Variants in TDRD9 observed in about 807,000 individuals in gnomAD.
The protein encoded by TDRD9 is tudor domain containing 9.
In TDRD9, 124 loss-of-function variants were observed where a neutral mutation model predicts 172.6. That is an observed-to-expected ratio of 0.72 (90% confidence interval 0.62 to 0.83). The LOEUF (loss-of-function observed/expected upper bound fraction) is 0.83, where lower values mean the gene tolerates loss of function less well. TDRD9 is among the 40% of genes least tolerant of loss of function. The pLI is 0.00. For missense variants in TDRD9, 1,479 were observed against 1,714.1 expected, an observed-to-expected ratio of 0.86 and a Z score of 2.42; for synonymous variants, 619 against 617.1, an observed-to-expected ratio of 1.00 and a Z score of -0.05.
In TDRD9 at chr14:104,030,884, C is replaced by T. The variant is rs187505073; in HGVS notation, c.3283-224C>T. 1.7e-3 allele frequency among the ~76,000 whole-genome samples: 254 copies of T among 152,202 alleles called. 1 individual carries two copies. The Middle Eastern group carries it at 0.024, about 14-fold the overall frequency. Reference sequence around the variant, plus strand: ...AGGAGATATACCTAATGCTAAATGACGAGTTAATGGGTGCAGCACACCAGC... The same window carrying T: ...AGGAGATATACCTAATGCTAAATGATGAGTTAATGGGTGCAGCACACCAGC... On this transcript the variant is annotated intron_variant, in intron 28 of 35. Coordinates refer to ENST00000409874, the MANE Select transcript of TDRD9 (RefSeq NM_153046.3).
At chr14:104,015,476 T>C (rs1481895706) in intron 21 of TDRD9, among the ~76,000 whole-genome samples, 3 of 152,208 alleles carry the variant, frequency 2.0e-5, no homozygotes, top group South Asian at 2.1e-4. Context: ...GGTGGGTGTG[T>C]TTCAAACTGG....
intron 23 of TDRD9, among the ~76,000 whole-genome samples, chr14:104,018,434 A>G (rs1294895490): frequency 1.3e-5 from 2 of 152,204 alleles, no homozygotes; most frequent in Non-Finnish European, 2.9e-5. Flanking sequence ...TGGTCACTCC[A>G]AGAAGGCTCA....
Position 104,045,144 on chromosome 14 carries a change from GAA to G in TDRD9, c.3974+2970_3974+2971del, listed in dbSNP as rs143411044. ...GGTGACAACAGCGAAACTCTATCAG[GAA>G]AAAAAAAAAAAAGGAAATAGCCAAA... On this transcript the variant is annotated intron_variant, in intron 34 of 35. Coordinates refer to ENST00000409874, the MANE Select transcript of TDRD9 (RefSeq NM_153046.3). Among the ~76,000 whole-genome samples, 164 of 140,460 alleles carry G rather than the reference GAA, an allele frequency of 1.2e-3. 2 individuals carry two copies. The highest frequency in any genetic ancestry group is 2.1e-3 in the Admixed American group (29 of 14,060). 92.1% of individuals were successfully genotyped at this position (140,460 alleles called of 152,430 possible).
chr14:104,026,257 G>T, intron 27 of TDRD9, 121 bp downstream of exon 27: 1 of 677,178 alleles, frequency 1.5e-6, no homozygotes, highest in Non-Finnish European at 2.6e-6. Flanking sequence ...GCCCAGGACA[G>T]GGAGGGACTT....
intron 2 of TDRD9, among the ~76,000 whole-genome samples, chr14:103,960,385 C>T (rs1248756344): frequency 6.6e-6 from 1 of 152,124 alleles, no homozygotes; most frequent in South Asian, 2.1e-4. Flanking sequence ...TTTATGGCTT[C>T]CAGTTTTCCC....
intron 31 of TDRD9, 105 bp downstream of exon 31, chr14:104,034,174 T>C (rs542380058): frequency 4.0e-5 from 22 of 548,028 alleles, no homozygotes; most frequent in African/African-American, 3.6e-4. Flanking sequence ...GTCTACACTA[T>C]GTACTATTCT....
chr14:103,980,358 G>A lies in TDRD9; in HGVS notation c.1011+4805G>A, dbSNP rs2033424480. The stretch of plus-strand genomic sequence containing the variant: ...TCCAATGATAGGTAAGGTCATGTGG[G>A]TCACGTGTCGACTGGACAGGGGGCC... On this transcript the variant is annotated intron_variant, in intron 7 of 35. Coordinates refer to ENST00000409874, the MANE Select transcript of TDRD9 (RefSeq NM_153046.3). This position sits in a 1 kb window ranked among gnomAD's most constrained non-coding sequence, Gnocchi z 4.5. 6.6e-6 allele frequency among the ~76,000 whole-genome samples: 1 copy of A among 152,146 alleles called. No individual in the cohort carries two copies. Among genetic ancestry groups the A allele is most frequent in the Non-Finnish European group, 1.5e-5 (1 of 68,022 alleles).
rs145528108 is a variant in TDRD9 at position 103,943,955 on chromosome 14, A to G, written c.216-11709A>G. Among the ~76,000 whole-genome samples, 750 of 152,316 alleles carry G rather than the reference A, an allele frequency of 4.9e-3. 9 individuals carry two copies. The highest frequency in any genetic ancestry group is 8.4e-3 in the Non-Finnish European group (569 of 68,008). Reference sequence around the variant, plus strand: ...CTGGAAGGTTTTCACATGACATTGCATATACTGTTAGGAGAAGGAAAGGAG... The same window carrying G: ...CTGGAAGGTTTTCACATGACATTGCGTATACTGTTAGGAGAAGGAAAGGAG... On this transcript the variant is annotated intron_variant, in intron 1 of 35. Transcript: ENST00000409874.
At chr14:104,020,458 G>A (rs954045622) in intron 23 of TDRD9, among the ~76,000 whole-genome samples, 1 of 152,218 alleles carries the variant, frequency 6.6e-6, no homozygotes, top group Non-Finnish European at 1.5e-5. Flanking sequence ...TGCTGGGGAG[G>A]ATGCAGCTTC....
Position 103,963,176 on chromosome 14 carries a change from G to A in TDRD9, c.420G>A (p.Glu140=). 6.5e-7 allele frequency: 1 copy of A among 1,541,476 alleles called. No individual in the cohort carries two copies. The highest frequency in any genetic ancestry group is 8.8e-7 in the Non-Finnish European group (1 of 1,141,040). Reference sequence around the variant, plus strand: ...TGCCTATAAGTCGATACAAGGAAGAGGTAAAATTGTTTTGTTATACTGTAA... The same window carrying A: ...TGCCTATAAGTCGATACAAGGAAGAAGTAAAATTGTTTTGTTATACTGTAA... ...PDLPISRYKE[E]VVSLIESNSV... Residue 140 remains glutamate (E), a splice_region_variant and synonymous_variant, in exon 3 of 36, where the codon GAG becomes GAA. Transcript: ENST00000409874.
At chr14:104,031,876 TC>T in intron 29 of TDRD9, 140 bp from the exon 30 acceptor site, 2 of 555,984 alleles carry the variant, frequency 3.6e-6, no homozygotes, top group Non-Finnish European at 6.1e-6. Context: ...AGGCACTTTT[TC>T]TTAACTGAAT....
intron 5 of TDRD9, among the ~76,000 whole-genome samples, chr14:103,969,877 T>G (rs2032943121): frequency 6.6e-6 from 1 of 152,084 alleles, no homozygotes; most frequent in Admixed American, 6.6e-5. Flanking sequence ...GGTCTCTGTC[T>G]GAGGAGGGCT....
chr14:103,952,188 G>GTA lies in TDRD9; in HGVS notation c.216-3475_216-3474insAT, dbSNP rs2031921492. 2.0e-3 allele frequency among the ~76,000 whole-genome samples: 112 copies of GTA among 56,738 alleles called. 3 individuals carry two copies. The highest frequency in any genetic ancestry group is 2.9e-3 in the Non-Finnish European group (87 of 30,212). 37.2% of individuals were successfully genotyped at this position (56,738 alleles called of 152,430 possible). Reference sequence around the variant, plus strand: ...TGTGTATATATGTGTGTGCGTGTGTGTGTATATATATATATATATATATAT... The same window carrying GTA: ...TGTGTATATATGTGTGTGCGTGTGTGTATGTATATATATATATATATATATAT... On this transcript the variant is annotated intron_variant, in intron 1 of 35. Coordinates refer to ENST00000409874, the MANE Select transcript of TDRD9 (RefSeq NM_153046.3).
chr14:103,957,977 G>A (rs529268799), intron 2 of TDRD9, among the ~76,000 whole-genome samples: 2 of 152,092 alleles, frequency 1.3e-5, no homozygotes, highest in African/African-American at 2.4e-5. Flanking sequence ...CTGGGCAGTC[G>A]GATCAACTAT....
intron 1 of TDRD9, among the ~76,000 whole-genome samples, chr14:103,930,765 CTCCTTAGTT>C (rs1276610702): frequency 6.6e-6 from 1 of 152,156 alleles, no homozygotes; most frequent in Non-Finnish European, 1.5e-5. Flanking sequence ...CCATCACTTA[CTCCTTAGTT>C]TTAACGGTGT....
chr14:104,006,235 T>C (rs1248242800), intron 15 of TDRD9, among the ~76,000 whole-genome samples, 154 bp from the exon 16 acceptor site: 1 of 152,046 alleles, frequency 6.6e-6, no homozygotes, highest in African/African-American at 2.4e-5. Context: ...ATTTAAAAAG[T>C]TTTTTTTGGT....
intron 1 of TDRD9, chr14:103,941,702 C>T: frequency 2.0e-6 from 3 of 1,490,926 alleles, no homozygotes; most frequent in Non-Finnish European, 2.7e-6. Context: ...GCATTTTTAG[C>T]CTATGGAAAT....
rs543872834 is a variant in TDRD9, at chr14:104,009,222, C to G, written c.2106+756C>G. On this transcript the variant is annotated intron_variant, in intron 20 of 35. Coordinates refer to ENST00000409874, the MANE Select transcript of TDRD9 (RefSeq NM_153046.3). The stretch of plus-strand genomic sequence containing the variant: ...AACATAACTAAACATAGAAAAGGTG[C>G]GGTAAAAATATGGTTATAAAACAGG... Among the ~76,000 whole-genome samples the G allele has an allele frequency of 1.2e-4, 19 of 152,168 alleles. No homozygotes were observed. The South Asian group carries it at 3.7e-3, about 30-fold the overall frequency.
At chr14:104,012,818 C>G (rs2034654882) in intron 20 of TDRD9, among the ~76,000 whole-genome samples, 1 of 152,156 alleles carries the variant, frequency 6.6e-6, no homozygotes, top group South Asian at 2.1e-4. Flanking sequence ...ACTGCAGCCT[C>G]AAACTCCTGT....
Sources: allele counts gnomAD v4.1 joint callset (sites outside exome capture counted in the v4.1 genomes callset), GRCh38; gene constraint gnomAD v4.1.1; non-coding constraint Gnocchi (gnomAD v3.1); transcripts MANE v1.5; gene names NCBI Gene and HGNC (gene_info 2026-07-23, HGNC 2026-07-21).